Variants in DGLUCY observed in about 807,000 individuals in gnomAD.
DGLUCY encodes D-glutamate cyclase, mitochondrial.
DGLUCY carries 58 observed loss-of-function variants against 58.5 expected under a neutral mutation model. That is an observed-to-expected ratio of 0.99 (90% CI 0.80 to 1.23). The LOEUF (loss-of-function observed/expected upper bound fraction) is 1.23, where lower values mean the gene tolerates loss of function less well. Ranked by LOEUF, DGLUCY falls within the 50% of genes most tolerant of loss-of-function variation. The probability of loss-of-function intolerance (pLI) is 0.00; values close to 1 mark genes in which losing one functional copy is unlikely to be tolerated. For missense variants in DGLUCY, 779 were observed against 784.7 expected (o/e 0.99, Z 0.09); for synonymous variants, 325 against 314.1 (o/e 1.03, Z -0.37).
At chr14:91,142,822 A>ACAC (rs754475614) in intron 1 of DGLUCY, among the ~76,000 whole-genome samples, 1,977 of 41,936 alleles carry the variant, frequency 0.047, 49 homozygotes, top group Middle Eastern at 0.088. Context: ...ACACACACAC[A>ACAC]ACACACCATC....
chr14:91,070,535 TACTC>T (rs1210722964), intron 1 of DGLUCY, among the ~76,000 whole-genome samples: 2 of 151,882 alleles, frequency 1.3e-5, no homozygotes, highest in South Asian at 4.1e-4. Context: ...ATAAAAAAAA[TACTC>T]AAAGGTGAGG....
At chr14:91,140,132 C>T (rs117649557) in intron 1 of DGLUCY, among the ~76,000 whole-genome samples, 1 of 152,354 alleles carries the variant, frequency 6.6e-6, no homozygotes, top group Non-Finnish European at 1.5e-5. Context: ...TTTCTTCCTT[C>T]TGGCAGAGTG....
At chr14:91,105,006 C>G (rs1455069306), upstream of DGLUCY, among the ~76,000 whole-genome samples, 1 of 152,138 alleles carries the variant, frequency 6.6e-6, no homozygotes, top group African/African-American at 2.4e-5. Context: ...TTATTTATAA[C>G]TTCTATTACA....
chr14:91,092,802 G>A (rs1595632327), intron 1 of DGLUCY, among the ~76,000 whole-genome samples: 1 of 152,128 alleles, frequency 6.6e-6, no homozygotes, highest in African/African-American at 2.4e-5. Context: ...ATATTTTGTG[G>A]GCCAAGTGCA....
intron 1 of DGLUCY, among the ~76,000 whole-genome samples, chr14:91,141,900 C>T (rs1397616925): frequency 1.4e-5 from 2 of 147,540 alleles, no homozygotes; most frequent in African/African-American, 5.0e-5. Context: ...GGCTGGAGTG[C>T]AGTGGCGTGA....
At chr14:91,091,199 A>C (rs998685965) in intron 1 of DGLUCY, 1 of 152,102 alleles carries the variant, frequency 6.6e-6, no homozygotes, top group African/African-American at 2.4e-5. Context: ...TCCTCTCCAT[A>C]AATTCCTCTT....
rs59528015 is a variant in DGLUCY at position 91,121,705 on chromosome 14, C to T, written c.-82+7422C>T. Among the ~76,000 whole-genome samples, 1,483 of 151,804 alleles carry T rather than the reference C, an allele frequency of 9.8e-3. 24 individuals carry two copies. Among genetic ancestry groups the T allele is most frequent in the African/African-American group, 0.034 (1,424 of 41,388 alleles). ...TTCAGTGAAGGCTTCTCCTACTTCC[C>T]CAGCCAGATTTTCATTATTTATCTA... is the stretch of plus-strand genomic sequence containing the variant. On this transcript the variant is annotated intron_variant, in intron 1 of 13. Coordinates refer to ENST00000256324, the MANE Select transcript of DGLUCY (RefSeq NM_001102368.3).
chr14:91,210,235 G>A lies in DGLUCY; in HGVS notation c.1565-5170G>A, dbSNP rs530777332. Among the ~76,000 whole-genome samples, 20 of 152,266 alleles carry A rather than the reference G, an allele frequency of 1.3e-4. No individual in the cohort carries two copies. In the South Asian group the frequency reaches 4.1e-3, roughly 32 times the overall value. On this transcript the variant is annotated intron_variant, in intron 12 of 13. Coordinates refer to ENST00000256324, the MANE Select transcript of DGLUCY (RefSeq NM_001102368.3). ...AGCCAAGATTGCCCCAAAAAAAGTT[G>A]ATGGGGGGGAGCATAACTGATAAAA... is the stretch of plus-strand genomic sequence containing the variant.
Position 91,204,831 on chromosome 14 carries a change from C to T in DGLUCY, c.1564+6C>T, listed in dbSNP as rs534813463. The T allele has an allele frequency of 8.7e-6, 14 of 1,613,956 alleles. No homozygotes were observed. The East Asian group carries it at 2.7e-4, about 31-fold the overall frequency. On this transcript the variant is annotated splice_donor_region_variant and intron_variant, in intron 12 of 13. Transcript: ENST00000256324. ...TGACTTTGCCGTCATTGCTGGTGAG[C>T]ACTCGGATGGCCGCCCAGTCCGGCC...
chr14:91,081,061 G>A (rs767564733), intron 1 of DGLUCY, among the ~76,000 whole-genome samples: 3 of 152,130 alleles, frequency 2.0e-5, no homozygotes, highest in Non-Finnish European at 4.4e-5. Flanking sequence ...AAATTAGCTG[G>A]GCATGGCGGC....
At chr14:91,139,375 C>T (rs1566961256) in intron 1 of DGLUCY, among the ~76,000 whole-genome samples, 1 of 152,186 alleles carries the variant, frequency 6.6e-6, no homozygotes, top group Non-Finnish European at 1.5e-5. Context: ...CCCCAAAACA[C>T]CCTCACAGAT....
chr14:91,184,146 G>C (rs770714614), intron 8 of DGLUCY, among the ~76,000 whole-genome samples: 7 of 152,104 alleles, frequency 4.6e-5, no homozygotes, highest in Admixed American at 2.0e-4. Context: ...ATCTGGGCCA[G>C]ACTCCCAGGG....
upstream of DGLUCY, among the ~76,000 whole-genome samples, chr14:91,110,285 T>A (rs754407371): frequency 6.6e-6 from 1 of 152,202 alleles, no homozygotes; most frequent in Non-Finnish European, 1.5e-5. Context: ...ACACACAGTT[T>A]AACCTTCTGA....
intron 1 of DGLUCY, among the ~76,000 whole-genome samples, chr14:91,131,085 G>A (rs2046000796): frequency 6.6e-6 from 1 of 152,112 alleles, no homozygotes; most frequent in Non-Finnish European, 1.5e-5. Flanking sequence ...AAGTAGCTGG[G>A]ATTACAGCCA....
chr14:91,100,055 C>CAA (rs781379842), intron 1 of DGLUCY, among the ~76,000 whole-genome samples: 13,396 of 130,080 alleles, frequency 0.1, 692 homozygotes, highest in African/African-American at 0.12. Context: ...AACTCTGTCT[C>CAA]AAAAAAAAAA....
intron 9 of DGLUCY, among the ~76,000 whole-genome samples, chr14:91,194,720 T>C (rs2050104312): frequency 6.6e-6 from 1 of 152,086 alleles, no homozygotes; most frequent in South Asian, 2.1e-4. Context: ...TTTCTATTTT[T>C]AGTAGAGACA....
chr14:91,064,228 A>C (rs1374390863), intron 1 of DGLUCY, among the ~76,000 whole-genome samples: 4 of 152,166 alleles, frequency 2.6e-5, no homozygotes, highest in African/African-American at 9.7e-5. Context: ...TTAAGTAGCT[A>C]TGTGGATATA....
intron 12 of DGLUCY, among the ~76,000 whole-genome samples, chr14:91,206,754 G>A (rs751888956): frequency 5.9e-5 from 9 of 152,030 alleles, no homozygotes; most frequent in African/African-American, 1.9e-4. Flanking sequence ...AAGAAACACC[G>A]ATAAGCAAAA....
chr14:91,108,487 TTGTGTG>T (rs34711327), intron 1 of DGLUCY, among the ~76,000 whole-genome samples: 46 of 74,966 alleles, frequency 6.1e-4, no homozygotes, highest in South Asian at 1.8e-3. Flanking sequence ...CTTGAAGAAT[TTGTGTG>T]TGTGTGTGTG....
Sources: allele counts gnomAD v4.1 joint callset (sites outside exome capture counted in the v4.1 genomes callset), GRCh38; gene constraint gnomAD v4.1.1; transcripts MANE v1.5; gene names NCBI Gene and HGNC (gene_info 2026-07-23, HGNC 2026-07-21).